SOS2: variants seen among roughly 807,000 people sequenced by gnomAD.
SOS2 encodes SOS Ras/Rho guanine nucleotide exchange factor 2.
In SOS2, 65 loss-of-function variants were observed where a neutral mutation model predicts 148.2. That is an observed-to-expected ratio of 0.44 (90% CI 0.36 to 0.54). SOS2 has a LOEUF of 0.54. Ranked by LOEUF, SOS2 falls within the 20% of genes least tolerant of loss-of-function variation. The probability of loss-of-function intolerance (pLI) is 0.00; values close to 1 mark genes in which losing one functional copy is unlikely to be tolerated. For missense variants in SOS2, 1,341 were observed against 1,590.2 expected, an observed-to-expected ratio of 0.84 and a Z score of 2.67; for synonymous variants, 539 against 537.1, an observed-to-expected ratio of 1.00 and a Z score of -0.05.
intron 16 of SOS2, among the ~76,000 whole-genome samples, chr14:50,143,405 A>G (rs761174378): frequency 1.2e-4 from 18 of 152,126 alleles, no homozygotes; most frequent in Non-Finnish European, 2.5e-4. Flanking sequence ...TACATAAATC[A>G]TAAAGTACCC....
intron 13 of SOS2, among the ~76,000 whole-genome samples, chr14:50,151,481 A>C (rs1379738864): frequency 6.6e-6 from 1 of 152,162 alleles, no homozygotes; most frequent in African/African-American, 2.4e-5. Flanking sequence ...CCCTAGGTTT[A>C]TTATTTTACT....
intron 1 of SOS2, among the ~76,000 whole-genome samples, chr14:50,214,067 G>C (rs1203878557): frequency 6.6e-6 from 1 of 151,622 alleles, no homozygotes. Context: ...TTTTCTCTAG[G>C]AAACAGAAAA....
At chr14:50,172,999 T>C (rs1885416825) in intron 8 of SOS2, among the ~76,000 whole-genome samples, 1 of 152,130 alleles carries the variant, frequency 6.6e-6, no homozygotes, top group Non-Finnish European at 1.5e-5. Context: ...AGTAAAATGT[T>C]CTTTCTCAAT....
intron 1 of SOS2, among the ~76,000 whole-genome samples, chr14:50,207,895 C>T (rs973299312): frequency 4.4e-5 from 6 of 135,008 alleles, no homozygotes; most frequent in Non-Finnish European, 7.8e-5. Flanking sequence ...AGCGAGACTC[C>T]ATCTCAAAAA....
chr14:50,148,432 T>G (rs976451404), intron 14 of SOS2, among the ~76,000 whole-genome samples: 8 of 147,256 alleles, frequency 5.4e-5, no homozygotes, highest in African/African-American at 2.0e-4. Flanking sequence ...AAAAAAAAAT[T>G]TAGTTTACAA....
At chr14:50,150,564 CTTTT>C (rs11288068) in intron 13 of SOS2, among the ~76,000 whole-genome samples, 11 of 138,306 alleles carry the variant, frequency 8.0e-5, no homozygotes, top group South Asian at 6.8e-4. Context: ...GATTATTTTC[CTTTT>C]TTTTTTTTTT....
chr14:50,162,140 T>A (rs1315724196), intron 8 of SOS2, among the ~76,000 whole-genome samples: 1 of 151,898 alleles, frequency 6.6e-6, no homozygotes, highest in Non-Finnish European at 1.5e-5. Flanking sequence ...TAAAAACCAT[T>A]CGGACATTTT....
chr14:50,155,630 G>C (rs1274431490), intron 12 of SOS2, among the ~76,000 whole-genome samples: 1 of 152,034 alleles, frequency 6.6e-6, no homozygotes, highest in African/African-American at 2.4e-5. Context: ...ATATATAACT[G>C]TTTCATGTGT....
chr14:50,165,173 A>G (rs2139648275), intron 8 of SOS2, among the ~76,000 whole-genome samples: 1 of 152,356 alleles, frequency 6.6e-6, no homozygotes, highest in South Asian at 2.1e-4. Context: ...GAATCACAGT[A>G]TAGTGATCAA....
chr14:50,223,037 T>C (rs1397265440), intron 1 of SOS2, among the ~76,000 whole-genome samples: 1 of 152,100 alleles, frequency 6.6e-6, no homozygotes, highest in African/African-American at 2.4e-5. Flanking sequence ...AATATATAGT[T>C]TGAGGTAGAG....
At chr14:50,127,384 T>C (rs1883717175) in intron 21 of SOS2, among the ~76,000 whole-genome samples, 1 of 152,132 alleles carries the variant, frequency 6.6e-6, no homozygotes, top group Non-Finnish European at 1.5e-5. Flanking sequence ...TCAGGTGATC[T>C]GTCTGCCTCG....
At position 50,140,043 on chromosome 14, in the gene SOS2, T is replaced by C. The variant is rs373722925; in HGVS notation, c.2684A>G (p.Lys895Arg). The C allele has an allele frequency of 1.9e-6, 3 of 1,588,520 alleles. No individual in the cohort carries two copies. The highest frequency in any genetic ancestry group is 1.3e-5 in the African/African-American group (1 of 74,642). ...DHTFEALQER[K>R]RKILDEAVEL... ...CACAGCTTCGTCCAAAATTTTCCTT[T>C]TCCTTTCCTGCAGTGCCTTAAAGTA... Residue 895 changes from lysine to arginine, a missense_variant, in exon 17 of 23, where the codon AAA becomes AGA. By Grantham distance (26) the Lys-to-Arg change is conservative (BLOSUM62 2). Transcript: ENST00000216373.
chr14:50,169,024 T>C (rs1364160533), intron 8 of SOS2, among the ~76,000 whole-genome samples: 1 of 152,146 alleles, frequency 6.6e-6, no homozygotes, highest in Non-Finnish European at 1.5e-5. Flanking sequence ...TCAAAGTACA[T>C]TGTTAGGCCT....
intron 13 of SOS2, among the ~76,000 whole-genome samples, chr14:50,152,319 A>G (rs2144580): frequency 0.9 from 136,375 of 152,196 alleles, 61,270 homozygotes; most frequent in African/African-American, 0.95. Flanking sequence ...GAAACTTAAA[A>G]TAGAAAACTC....
intron 9 of SOS2, among the ~76,000 whole-genome samples, chr14:50,160,532 G>T (rs1803269685): frequency 1.3e-5 from 2 of 151,630 alleles, no homozygotes; most frequent in South Asian, 4.2e-4. Context: ...GATTACAGGT[G>T]CCTGCCACCA....
At chr14:50,204,462 A>T in intron 1 of SOS2, 53 bp from the exon 2 acceptor site, 1 of 1,129,582 alleles carries the variant, frequency 8.9e-7, no homozygotes, top group Non-Finnish European at 1.3e-6. Context: ...TAAATTGAAC[A>T]AAAGTCAAAG....
At position 50,118,664 on chromosome 14, in the gene SOS2, A is replaced by C; in HGVS notation, c.3679T>G (p.Phe1227Val). ...PPVPLRPPEH[F>V]INCPFNLQPP... ...TGAAGATTAAATGGACAGTTTATAA[A>C]GTGTTCTGGAGGCCGAAGGGGAACT... is the stretch of plus-strand genomic sequence containing the variant. The change falls in exon 23 of 23, where the codon TTT (phenylalanine) becomes GTT (valine). Residue 1227 changes from phenylalanine to valine, a missense_variant. This residue lies in a region of SOS2 where 354 missense variants were observed against 347.7 expected (regional missense o/e 1.02). Coordinates refer to ENST00000216373, the MANE Select transcript of SOS2 (RefSeq NM_006939.4). The C allele has an allele frequency of 6.2e-7, 1 of 1,613,614 alleles. No individual in the cohort carries two copies. The highest frequency in any genetic ancestry group is 8.5e-7 in the Non-Finnish European group (1 of 1,179,946).
rs1566487914 is a variant in SOS2 at position 50,224,308 on chromosome 14, TATATATAC to T, written c.87+6881_87+6888del. 1.5e-3 allele frequency among the ~76,000 whole-genome samples: 103 copies of T among 68,984 alleles called. 4 individuals are homozygous for T. The highest frequency in any genetic ancestry group is 6.3e-3 in the Middle Eastern group (1 of 158). 45.3% of individuals were successfully genotyped at this position (68,984 alleles called of 152,430 possible). On this transcript the variant is annotated intron_variant, in intron 1 of 22. Coordinates refer to ENST00000216373, the MANE Select transcript of SOS2 (RefSeq NM_006939.4). ...TCCGTCTCAGGAAAAAAAAAAAATA[TATATATAC>T]ACACACACACACACACACACACACA...
chr14:50,208,158 A>G (rs10134293), intron 1 of SOS2, among the ~76,000 whole-genome samples: 93,348 of 151,758 alleles, frequency 0.62, 29,576 homozygotes, highest in Non-Finnish European at 0.71. Flanking sequence ...TTAGCCACGC[A>G]TGGTAGAAGG....
Sources: allele counts gnomAD v4.1 joint callset (sites outside exome capture counted in the v4.1 genomes callset), GRCh38; gene constraint gnomAD v4.1.1; regional missense constraint gnomAD v4.1.1; transcripts MANE v1.5; gene names NCBI Gene and HGNC (gene_info 2026-07-23, HGNC 2026-07-21).